The following VAV2 variants were observed in gnomAD, a reference collection of about 807,000 sequenced individuals.
The protein encoded by VAV2 is guanine nucleotide exchange factor VAV2.
Under a neutral mutation model 132.5 loss-of-function variants are expected in VAV2, and 67 were observed. The ratio of observed to expected loss-of-function variants is 0.51; its 90% confidence interval spans 0.42 to 0.62. The LOEUF is 0.62. VAV2 is among the 20% of genes least tolerant of loss of function. The pLI is 0.00. For synonymous variants in VAV2, 492 were observed against 443.5 expected, an observed-to-expected ratio of 1.11 and a Z score of -1.37; for missense variants, 938 against 1,153.6, an observed-to-expected ratio of 0.81 and a Z score of 2.71.
intron 2 of VAV2, among the ~76,000 whole-genome samples, chr9:133,887,345 G>A (rs1178775696): frequency 6.6e-6 from 1 of 152,136 alleles, no homozygotes; most frequent in Non-Finnish European, 1.5e-5. Flanking sequence ...CCACCCACCT[G>A]CTACTCCAGG....
chr9:133,928,662 T>C lies in VAV2; in HGVS notation c.321+10441A>G, dbSNP rs2132099309. On this transcript the variant is annotated intron_variant, in intron 2 of 29. Transcript: ENST00000371850. This position sits in a 1 kb window ranked among gnomAD's most constrained non-coding sequence, Gnocchi z 5.4. ...AACACATGCAGCCTCGGGGCCTGGG[T>C]GTGGAGATAAGGGGTGCTGGATCAA... Among the ~76,000 whole-genome samples the C allele has an allele frequency of 6.6e-6, 1 of 151,864 alleles. No homozygotes were observed. Among genetic ancestry groups the C allele is most frequent in the South Asian group, 2.1e-4 (1 of 4,782 alleles).
rs183383510 is a variant in VAV2 at position 133,829,400 on chromosome 9, A to G, written c.449+4872T>C. Among the ~76,000 whole-genome samples the G allele has an allele frequency of 3.3e-5, 5 of 152,380 alleles. No homozygotes were observed. In the East Asian group the frequency reaches 9.6e-4, roughly 29 times the overall value. On this transcript the variant is annotated intron_variant, in intron 4 of 29. Transcript: ENST00000371850. ...ACAGGGGACTGGCTCCAGCTCCCAG[A>G]AAGATGTTCTGGATCTAAGACCTGT...
intron 1 of VAV2, among the ~76,000 whole-genome samples, chr9:133,973,596 C>A (rs1022477543): frequency 2.0e-5 from 3 of 151,886 alleles, no homozygotes; most frequent in Non-Finnish European, 4.4e-5. Flanking sequence ...GCCCAACCCA[C>A]GCACGCCCTA....
chr9:133,964,022 C>CATATATATATATAT (rs10541639), intron 1 of VAV2, among the ~76,000 whole-genome samples: 17 of 93,844 alleles, frequency 1.8e-4, no homozygotes, highest in Admixed American at 3.9e-4. Context: ...ATTATTCATT[C>CATATATATATATAT]ATATATATAT....
intron 2 of VAV2, among the ~76,000 whole-genome samples, chr9:133,862,472 T>C (rs1030729943): frequency 9.2e-5 from 14 of 152,218 alleles, no homozygotes; most frequent in Non-Finnish European, 1.8e-4. Context: ...ACCAAGTACA[T>C]CTGTGAGTCC....
At chr9:133,841,392 A>T (rs113242965) in intron 3 of VAV2, among the ~76,000 whole-genome samples, 6,950 of 152,050 alleles carry the variant, frequency 0.046, 248 homozygotes, top group Middle Eastern at 0.14. Flanking sequence ...AGTGGACTCC[A>T]GGGCTCCATC....
At chr9:133,866,970 C>T (rs766382760) in intron 2 of VAV2, among the ~76,000 whole-genome samples, 17 of 152,252 alleles carry the variant, frequency 1.1e-4, no homozygotes, top group South Asian at 4.1e-4. Flanking sequence ...GCCTCCCCCT[C>T]GGAGCTGGGG....
intron 13 of VAV2, among the ~76,000 whole-genome samples, chr9:133,790,888 G>C (rs1834430573): frequency 1.3e-5 from 2 of 152,264 alleles, no homozygotes; most frequent in South Asian, 4.1e-4. Flanking sequence ...AATCACCAGG[G>C]TGAAAATGTT....
intron 1 of VAV2, among the ~76,000 whole-genome samples, chr9:133,953,212 G>A (rs2132188370): frequency 6.6e-6 from 1 of 152,370 alleles, no homozygotes; most frequent in South Asian, 2.1e-4. Flanking sequence ...GGCCTCCAGG[G>A]CTGCTGCTGG....
chr9:133,991,642 G>T lies in VAV2; in HGVS notation c.204+433C>A, dbSNP rs1187737900. Among the ~76,000 whole-genome samples the T allele has an allele frequency of 2.6e-5, 4 of 151,326 alleles. No homozygotes were observed. Among genetic ancestry groups the T allele is most frequent in the African/African-American group, 9.7e-5 (4 of 41,378 alleles). On this transcript the variant is annotated intron_variant, in intron 1 of 29. Coordinates refer to ENST00000371850, the MANE Select transcript of VAV2 (RefSeq NM_001134398.2). This position sits in a 1 kb window ranked among gnomAD's most constrained non-coding sequence, Gnocchi z 4.8. ...CAGCCGCGCCCCGGGCCGGCGCAGC[G>T]ACCGCGCCCGCTCTTCCACCGGCGT...
intron 2 of VAV2, among the ~76,000 whole-genome samples, chr9:133,901,043 G>C: frequency 6.6e-6 from 1 of 151,966 alleles, no homozygotes; most frequent in East Asian, 1.9e-4. Context: ...CAGGTGATCT[G>C]CCCGCCTCAG....
intron 2 of VAV2, among the ~76,000 whole-genome samples, chr9:133,904,154 G>A (rs1354358578): frequency 3.3e-5 from 5 of 152,170 alleles, no homozygotes; most frequent in Admixed American, 6.5e-5. Flanking sequence ...GCTCCAGCCC[G>A]TGTCCTGGTG....
rs1249422627 is a variant in VAV2, at chr9:133,774,243, C to G, written c.2135+692G>C. 2.0e-5 allele frequency among the ~76,000 whole-genome samples: 3 copies of G among 152,194 alleles called. No individual in the cohort carries two copies. In the East Asian group the frequency reaches 5.8e-4, roughly 29 times the overall value. On this transcript the variant is annotated intron_variant, in intron 25 of 29. Coordinates refer to ENST00000371850, the MANE Select transcript of VAV2 (RefSeq NM_001134398.2). Reference sequence around the variant, plus strand: ...CATACAGCACCCATCTTGTTTCTCCCTGGATTTAATGTGCACCATGAGTGT... The same window carrying G: ...CATACAGCACCCATCTTGTTTCTCCGTGGATTTAATGTGCACCATGAGTGT...
At chr9:133,953,940 G>A (rs117369137) in intron 1 of VAV2, among the ~76,000 whole-genome samples, 1,964 of 152,320 alleles carry the variant, frequency 0.013, 26 homozygotes, top group Middle Eastern at 0.037. Flanking sequence ...GCTACAGCCA[G>A]CACCTGACAG....
At chr9:133,943,386 G>A (rs1304622195) in intron 1 of VAV2, among the ~76,000 whole-genome samples, 3 of 152,206 alleles carry the variant, frequency 2.0e-5, no homozygotes, top group East Asian at 1.9e-4. Flanking sequence ...GGTGGTCAGC[G>A]CCAGGTGAAA....
chr9:133,973,023 A>G (rs1254510324), intron 1 of VAV2, among the ~76,000 whole-genome samples: 2 of 152,100 alleles, frequency 1.3e-5, no homozygotes, highest in Non-Finnish European at 2.9e-5. Flanking sequence ...GTTGCCTGGA[A>G]CACCAACCAG....
In VAV2 at chr9:133,848,932, A is replaced by AT. The variant is rs201181288; in HGVS notation, c.380+12441dup. ...AAGACGTCATCTTCTGTTCCGGGAC[A>AT]TTCTTAATGATCTCACGTCTCATCT... On this transcript the variant is annotated intron_variant, in intron 3 of 29. Coordinates refer to ENST00000371850, the MANE Select transcript of VAV2 (RefSeq NM_001134398.2). Among the ~76,000 whole-genome samples the AT allele has an allele frequency of 3.2e-3, 481 of 152,332 alleles. 1 individual carries two copies. Among genetic ancestry groups the AT allele is most frequent in the African/African-American group, 0.011 (458 of 41,578 alleles).
chr9:133,870,533 A>G (rs1436578260), intron 2 of VAV2, among the ~76,000 whole-genome samples: 1 of 152,212 alleles, frequency 6.6e-6, no homozygotes. Context: ...ATACCCAAAT[A>G]TATACTTCCT....
At chr9:133,858,529 C>A (rs1022800076) in intron 3 of VAV2, among the ~76,000 whole-genome samples, 5 of 152,118 alleles carry the variant, frequency 3.3e-5, no homozygotes, top group African/African-American at 1.2e-4. Context: ...TCTTTCTCTG[C>A]AACCATAATG....
Sources: gnomAD v4.1 joint callset for allele counts (sites outside exome capture counted in the v4.1 genomes callset) on GRCh38, gnomAD v4.1.1 for gene constraint, Gnocchi (gnomAD v3.1) non-coding constraint, MANE v1.5 for transcripts, NCBI Gene and HGNC (gene_info 2026-07-23, HGNC 2026-07-21) for gene names.